Variants in BZW2 observed in about 807,000 individuals in gnomAD.
The protein encoded by BZW2 is eIF5-mimic protein 1.
Under a neutral mutation model 53.2 loss-of-function variants are expected in BZW2, and 23 were observed. The ratio of observed to expected loss-of-function variants is 0.43; its 90% CI spans 0.31 to 0.61. BZW2 has a LOEUF of 0.61. Among genes scored for constraint, BZW2 ranks in the 20% least tolerant of loss-of-function variants. The probability of loss-of-function intolerance (pLI) is 0.09; values close to 1 mark genes in which losing one functional copy is unlikely to be tolerated. For synonymous variants in BZW2, 227 were observed against 186.4 expected, an observed-to-expected ratio of 1.22 and a Z score of -1.77; for missense variants, 409 against 503.1, an observed-to-expected ratio of 0.81 and a Z score of 1.79.
intron 3 of BZW2, among the ~76,000 whole-genome samples, chr7:16,675,813 C>T (rs945058992): frequency 3.3e-5 from 5 of 152,268 alleles, no homozygotes; most frequent in African/African-American, 1.2e-4. Flanking sequence ...GGCGTGGTGG[C>T]TCACGCCTGT....
intron 1 of BZW2, among the ~76,000 whole-genome samples, chr7:16,658,653 G>C (rs1167024154): frequency 6.6e-6 from 1 of 152,062 alleles, no homozygotes; most frequent in South Asian, 2.1e-4. Flanking sequence ...GGGGTGGGCA[G>C]ATCATGAGGT....
chr7:16,691,973 G>T (rs1783323155), intron 7 of BZW2, among the ~76,000 whole-genome samples: 1 of 152,122 alleles, frequency 6.6e-6, no homozygotes, highest in African/African-American at 2.4e-5. Context: ...TATAAACTGG[G>T]TGAGAACAGC....
rs369163816 is a variant in BZW2 at position 16,647,952 on chromosome 7, A to G, written c.-8+1664A>G. 6.2e-3 allele frequency among the ~76,000 whole-genome samples: 945 copies of G among 152,334 alleles called. 10 individuals are homozygous for G. Among genetic ancestry groups the G allele is most frequent in the African/African-American group, 0.021 (876 of 41,570 alleles). ...GTCAGTTCCTCGAGGATAGCAGCTT[A>G]CTATCTATTTTCTTGATGCCTTATG... On this transcript the variant is annotated intron_variant, in intron 1 of 11. Coordinates refer to ENST00000258761, the MANE Select transcript of BZW2 (RefSeq NM_014038.3).
At chr7:16,699,260 T>C (rs1018516101) in intron 10 of BZW2, among the ~76,000 whole-genome samples, 1 of 152,198 alleles carries the variant, frequency 6.6e-6, no homozygotes, top group Non-Finnish European at 1.5e-5. Flanking sequence ...CAACCAGACC[T>C]GAGTTGGGTC....
chr7:16,656,590 CACACACAA>C (rs1782131446), intron 1 of BZW2, among the ~76,000 whole-genome samples: 1 of 150,844 alleles, frequency 6.6e-6, no homozygotes, highest in Admixed American at 6.6e-5. Context: ...CACACACACA[CACACACAA>C]GTAGGTTTAG....
chr7:16,651,779 C>G (rs1355122523), intron 1 of BZW2, among the ~76,000 whole-genome samples: 1 of 152,130 alleles, frequency 6.6e-6, no homozygotes, highest in Non-Finnish European at 1.5e-5. Flanking sequence ...CCTTTTCCCC[C>G]CCACCGCTTA....
intron 11 of BZW2, among the ~76,000 whole-genome samples, chr7:16,705,546 A>G (rs1038478175): frequency 7.3e-5 from 11 of 151,444 alleles, no homozygotes; most frequent in African/African-American, 2.2e-4. Context: ...TTAGCCGGGC[A>G]TGGTGGTGGG....
At chr7:16,651,910 A>C (rs147493420) in intron 1 of BZW2, among the ~76,000 whole-genome samples, 1 of 152,308 alleles carries the variant, frequency 6.6e-6, no homozygotes, top group East Asian at 1.9e-4. Flanking sequence ...ATTCCAAACT[A>C]TAAAATTTAT....
intron 1 of BZW2, among the ~76,000 whole-genome samples, chr7:16,657,373 C>T (rs1053020747): frequency 6.6e-6 from 1 of 152,156 alleles, no homozygotes; most frequent in Admixed American, 6.5e-5. Context: ...TCATTGTTTT[C>T]TCAAAGTCAT....
At chr7:16,675,000 T>G (rs182031913) in intron 3 of BZW2, among the ~76,000 whole-genome samples, 106 of 152,142 alleles carry the variant, frequency 7.0e-4, no homozygotes, top group Admixed American at 1.3e-3. Flanking sequence ...GAAATATAGT[T>G]TAAACCTGGT....
At position 16,703,571 on chromosome 7, in the gene BZW2, T is replaced by C. The variant is rs145675034; in HGVS notation, c.1109-976T>C. ...CATTATATGGCTTTATCAGTATTTG[T>C]AATGAATTGAGCACATCTCGGGGAC... On this transcript the variant is annotated intron_variant, in intron 10 of 11. Coordinates refer to ENST00000258761, the MANE Select transcript of BZW2 (RefSeq NM_014038.3). Among the ~76,000 whole-genome samples the C allele has an allele frequency of 4.9e-4, 74 of 152,336 alleles. No individual in the cohort carries two copies. The East Asian group carries it at 0.012, about 24-fold the overall frequency.
chr7:16,685,151 A>G (rs1417681992), intron 5 of BZW2, among the ~76,000 whole-genome samples: 1 of 152,208 alleles, frequency 6.6e-6, no homozygotes, highest in African/African-American at 2.4e-5. Flanking sequence ...GGCATCCCAC[A>G]GGGCTGACTA....
Position 16,670,007 on chromosome 7 carries a change from A to C in BZW2, c.59-4405A>C, listed in dbSNP as rs188516210. Reference sequence around the variant, plus strand: ...GATGAAAAAGACTCTTTAGTTCCAAAGTTGTCTTGTTTCTCAAGTTTTCAT... The same window carrying C: ...GATGAAAAAGACTCTTTAGTTCCAACGTTGTCTTGTTTCTCAAGTTTTCAT... On this transcript the variant is annotated intron_variant, in intron 2 of 11. Coordinates refer to ENST00000258761, the MANE Select transcript of BZW2 (RefSeq NM_014038.3). Among the ~76,000 whole-genome samples the C allele has an allele frequency of 1.5e-3, 229 of 152,312 alleles. 1 individual carries two copies. The highest frequency in any genetic ancestry group is 5.2e-3 in the African/African-American group (218 of 41,554).
intron 8 of BZW2, among the ~76,000 whole-genome samples, chr7:16,695,389 A>C (rs1783447288): frequency 6.6e-6 from 1 of 152,206 alleles, no homozygotes; most frequent in South Asian, 2.1e-4. Flanking sequence ...TTTGGAATTA[A>C]CACTGGATTT....
chr7:16,705,349 C>G (rs781313246), intron 11 of BZW2, among the ~76,000 whole-genome samples: 2 of 151,002 alleles, frequency 1.3e-5, no homozygotes, highest in Non-Finnish European at 2.9e-5. Flanking sequence ...CAGAGCAAGA[C>G]TCCATCTCGA....
chr7:16,657,774 T>A (rs1333394730), intron 1 of BZW2, among the ~76,000 whole-genome samples: 1 of 152,160 alleles, frequency 6.6e-6, no homozygotes, highest in Non-Finnish European at 1.5e-5. Context: ...TATGTTCAGA[T>A]CTGGGTGCAA....
At chr7:16,685,876 C>CTTTTTTTTTTTTTTTTTTTTTTTCTTTTT in intron 5 of BZW2, 29 bp from the exon 6 acceptor site, 1 of 1,293,584 alleles carries the variant, frequency 7.7e-7, no homozygotes, top group Admixed American at 3.5e-5. Context: ...TTTTCTTTTT[C>CTTTTTTTTTTTTTTTTTTTTTTTCTTTTT]TTTTTTTTTT....
At chr7:16,696,826 C>G (rs111309835) in intron 8 of BZW2, 89 bp from the exon 9 acceptor site, 197 of 1,422,376 alleles carry the variant, frequency 1.4e-4, no homozygotes, top group Middle Eastern at 5.4e-4. Context: ...CTTAGCTGCC[C>G]CAAAACCTTG....
intron 2 of BZW2, among the ~76,000 whole-genome samples, chr7:16,666,078 CTT>C (rs1782415721): frequency 1.3e-5 from 2 of 152,046 alleles, no homozygotes; most frequent in East Asian, 3.9e-4. Flanking sequence ...TCTTAGCATT[CTT>C]TTTGTGTAAA....
Sources: allele counts gnomAD v4.1 joint callset (sites outside exome capture counted in the v4.1 genomes callset), GRCh38; gene constraint gnomAD v4.1.1; transcripts MANE v1.5; gene names NCBI Gene and HGNC (gene_info 2026-07-23, HGNC 2026-07-21).